Variants in MAML3 observed in about 807,000 individuals in gnomAD.
MAML3 encodes the protein mastermind-like protein 3.
In MAML3, 27 loss-of-function variants were observed where a neutral mutation model predicts 101.9. That is an observed-to-expected ratio of 0.27 (90% CI 0.20 to 0.37). The LOEUF is 0.37. Among genes scored for constraint, MAML3 ranks in the 10% least tolerant of loss-of-function variants. The pLI is 1.00. For missense variants in MAML3, 1,316 were observed against 1,444.9 expected, an observed-to-expected ratio of 0.91 and a Z score of 1.45; for synonymous variants, 501 against 555.9, an observed-to-expected ratio of 0.90 and a Z score of 1.39.
At chr4:139,954,158 A>T (rs1376905334) in intron 1 of MAML3, among the ~76,000 whole-genome samples, 2 of 152,184 alleles carry the variant, frequency 1.3e-5, no homozygotes, top group African/African-American at 4.8e-5. Context: ...CTTCACTTTC[A>T]TATTTTATAT....
chr4:139,809,828 TGG>T (rs1206479901), intron 2 of MAML3, among the ~76,000 whole-genome samples: 1 of 151,128 alleles, frequency 6.6e-6, no homozygotes, highest in East Asian at 1.9e-4. Context: ...GGTCAGTTGT[TGG>T]GCTGATTAAA....
At chr4:139,957,075 T>A (rs1236744894) in intron 1 of MAML3, among the ~76,000 whole-genome samples, 4 of 152,176 alleles carry the variant, frequency 2.6e-5, no homozygotes, top group African/African-American at 9.7e-5. Flanking sequence ...ACAGCTGGAA[T>A]ATGGCAGAAA....
chr4:140,098,106 TAAGAGTTCTC>T (rs1260083637), intron 1 of MAML3, among the ~76,000 whole-genome samples: 2 of 152,238 alleles, frequency 1.3e-5, no homozygotes, highest in Non-Finnish European at 2.9e-5. Context: ...AGGGAGTTCT[TAAGAGTTCTC>T]ACATTTTCAA....
intron 2 of MAML3, among the ~76,000 whole-genome samples, chr4:139,820,928 G>A (rs932814341): frequency 6.6e-6 from 1 of 152,090 alleles, no homozygotes; most frequent in Non-Finnish European, 1.5e-5. Context: ...TCAAGGAGTA[G>A]GACCACCTTT....
intron 1 of MAML3, among the ~76,000 whole-genome samples, chr4:140,062,917 G>A (rs1299628136): frequency 6.6e-6 from 1 of 152,172 alleles, no homozygotes; most frequent in Non-Finnish European, 1.5e-5. Flanking sequence ...CGATAAACAC[G>A]TTTCTGTAGT....
chr4:139,806,623 T>C (rs1451510701), intron 2 of MAML3, among the ~76,000 whole-genome samples: 1 of 152,020 alleles, frequency 6.6e-6, no homozygotes, highest in Non-Finnish European at 1.5e-5. Flanking sequence ...ATGAAAACAG[T>C]CAGAAATTCC....
chr4:139,866,166 G>C (rs1452319136), intron 2 of MAML3, among the ~76,000 whole-genome samples: 1 of 152,216 alleles, frequency 6.6e-6, no homozygotes, highest in South Asian at 2.1e-4. Flanking sequence ...TGGCCACGAA[G>C]GTATACTTGT....
chr4:139,789,718 G>A (rs1012560471), intron 2 of MAML3, among the ~76,000 whole-genome samples: 6 of 152,180 alleles, frequency 3.9e-5, no homozygotes, highest in African/African-American at 1.4e-4. Flanking sequence ...AACAGAGAGA[G>A]AAAGTATTGA....
At chr4:139,807,849 A>G (rs1336389304) in intron 2 of MAML3, among the ~76,000 whole-genome samples, 1 of 152,224 alleles carries the variant, frequency 6.6e-6, no homozygotes, top group African/African-American at 2.4e-5. Flanking sequence ...GACAAAGCCT[A>G]TAGCCCATAC....
chr4:139,930,095 C>T (rs1312373873), intron 1 of MAML3, among the ~76,000 whole-genome samples: 2 of 152,166 alleles, frequency 1.3e-5, no homozygotes, highest in African/African-American at 4.8e-5. Context: ...GCTGCTACAA[C>T]GGTTCCTAAA....
chr4:140,076,399 C>T (rs1194755403), intron 1 of MAML3, among the ~76,000 whole-genome samples: 1 of 152,144 alleles, frequency 6.6e-6, no homozygotes, highest in East Asian at 1.9e-4. Flanking sequence ...AGGCAAACTT[C>T]CTGGCTGGTG....
chr4:139,768,222 TTGTGTGTGTGTGTGTGTGTGTGTGTG>T (rs34182828), intron 2 of MAML3, among the ~76,000 whole-genome samples: 2 of 136,344 alleles, frequency 1.5e-5, no homozygotes, highest in Non-Finnish European at 3.1e-5. Flanking sequence ...CTGTTGATAG[TTGTGTGTGTGTGTGTGTGTGTGTGTG>T]TGTGTGTGTG....
rs1331356267 is a variant in MAML3, at chr4:139,977,880, CAAAAAACA to C, written c.469-86921_469-86914del. ...AGAGTGAAACTCCCTAACAAAAAAA[CAAAAAACA>C]AAAAACAAAAAAAAAACAAAAAAAG... On this transcript the variant is annotated intron_variant, in intron 1 of 4. Coordinates refer to ENST00000509479, the MANE Select transcript of MAML3 (RefSeq NM_018717.5). Among the ~76,000 whole-genome samples the C allele has an allele frequency of 7.3e-3, 1,051 of 144,188 alleles. 14 individuals are homozygous for C. Among genetic ancestry groups the C allele is most frequent in the African/African-American group, 0.028 (1,002 of 35,636 alleles). 94.6% of individuals were successfully genotyped at this position (144,188 alleles called of 152,430 possible). A position where few individuals can be genotyped will look rare whatever the true frequency, so the allele number is the denominator to read the frequency against.
intron 1 of MAML3, among the ~76,000 whole-genome samples, chr4:140,113,925 T>A (rs188027987): frequency 6.6e-6 from 1 of 152,306 alleles, no homozygotes; most frequent in Admixed American, 6.5e-5. Context: ...GTTCTCAGTA[T>A]CTGCTCCCAC....
At chr4:140,136,473 T>G (rs1209210648) in intron 1 of MAML3, among the ~76,000 whole-genome samples, 1 of 152,206 alleles carries the variant, frequency 6.6e-6, no homozygotes, top group Non-Finnish European at 1.5e-5. Flanking sequence ...GGAGCCGTGT[T>G]TATCTCAGAT....
At chr4:139,963,891 G>C (rs897032866) in intron 1 of MAML3, among the ~76,000 whole-genome samples, 15 of 152,096 alleles carry the variant, frequency 9.9e-5, no homozygotes, top group Non-Finnish European at 2.2e-4. Flanking sequence ...GATGATGATG[G>C]CTATGTTCCA....
At chr4:139,756,848 C>T (rs1729662704) in intron 2 of MAML3, among the ~76,000 whole-genome samples, 1 of 152,190 alleles carries the variant, frequency 6.6e-6, no homozygotes, top group Admixed American at 6.5e-5. Context: ...GCCAAAACCC[C>T]TGCCCTTCTC....
intron 1 of MAML3, among the ~76,000 whole-genome samples, chr4:139,903,782 A>G (rs570978578): frequency 2.0e-5 from 3 of 152,354 alleles, no homozygotes; most frequent in Admixed American, 1.3e-4. Context: ...TAATTTATAC[A>G]TAAATGTATT....
chr4:140,130,829 T>C (rs934716229), intron 1 of MAML3, among the ~76,000 whole-genome samples: 1 of 152,186 alleles, frequency 6.6e-6, no homozygotes, highest in African/African-American at 2.4e-5. Context: ...GAGTTCCTCC[T>C]ATGAGTCAGA....
Sources: allele counts gnomAD v4.1 joint callset (sites outside exome capture counted in the v4.1 genomes callset), GRCh38; gene constraint gnomAD v4.1.1; transcripts MANE v1.5; gene names NCBI Gene and HGNC (gene_info 2026-07-23, HGNC 2026-07-21).